ITGAE: variants seen among roughly 807,000 people sequenced by gnomAD.
ITGAE encodes the protein integrin subunit alpha E.
A neutral mutation model predicts 136.5 loss-of-function variants in ITGAE; 99 were observed. The ratio of observed to expected loss-of-function variants is 0.73; its 90% confidence interval spans 0.62 to 0.86. ITGAE has a LOEUF of 0.86. Among genes scored for constraint, ITGAE ranks in the 40% least tolerant of loss-of-function variants. The pLI is 0.00. For missense variants in ITGAE, 1,447 were observed against 1,515.3 expected, an observed-to-expected ratio of 0.95 and a Z score of 0.75; for synonymous variants, 613 against 591.8, an observed-to-expected ratio of 1.04 and a Z score of -0.52.
At chr17:3,791,462 T>C (rs1300239462) in intron 1 of ITGAE, among the ~76,000 whole-genome samples, 1 of 151,984 alleles carries the variant, frequency 6.6e-6, no homozygotes, top group Non-Finnish European at 1.5e-5. Context: ...TTTGTACTTT[T>C]AGTAGAGATG....
At chr17:3,744,163 C>T (rs1046181440) in intron 18 of ITGAE, among the ~76,000 whole-genome samples, 3 of 151,548 alleles carry the variant, frequency 2.0e-5, no homozygotes, top group Non-Finnish European at 4.4e-5. Flanking sequence ...AAATATGAGC[C>T]ACCGCACCTT....
At chr17:3,789,966 AG>A (rs11314565) in intron 1 of ITGAE, among the ~76,000 whole-genome samples, 32,596 of 152,138 alleles carry the variant, frequency 0.21, 3,637 homozygotes, top group African/African-American at 0.27. Flanking sequence ...GATCATCAAC[AG>A]GTAAAGCTTC....
Position 3,799,985 on chromosome 17 carries a change from G to A in ITGAE, c.34+1126C>T, listed in dbSNP as rs952631008. On this transcript the variant is annotated intron_variant, in intron 1 of 30. Coordinates refer to ENST00000263087, the MANE Select transcript of ITGAE (RefSeq NM_002208.5). This position sits in a 1 kb window ranked among gnomAD's most constrained non-coding sequence, Gnocchi z 4.1. Reference sequence around the variant, plus strand: ...AATACAAAAATTAGCCAGGCGTGGTGGCAGGCGCCTGTAATCCCAGCTACT... The same window carrying A: ...AATACAAAAATTAGCCAGGCGTGGTAGCAGGCGCCTGTAATCCCAGCTACT... Among the ~76,000 whole-genome samples, 3 of 152,170 alleles carry A rather than the reference G, an allele frequency of 2.0e-5. No individual in the cohort carries two copies. Among genetic ancestry groups the A allele is most frequent in the Non-Finnish European group, 2.9e-5 (2 of 68,042 alleles).
At chr17:3,758,257 T>G (rs924486274) in intron 8 of ITGAE, among the ~76,000 whole-genome samples, 2 of 152,142 alleles carry the variant, frequency 1.3e-5, no homozygotes, top group African/African-American at 4.8e-5. Flanking sequence ...TTTTTCTTTC[T>G]TTTTTAGAGA....
intron 2 of ITGAE, among the ~76,000 whole-genome samples, chr17:3,768,176 G>A (rs2052342000): frequency 6.6e-6 from 1 of 151,758 alleles, no homozygotes; most frequent in Non-Finnish European, 1.5e-5. Flanking sequence ...CTAAGTTGAA[G>A]TACAGTGGCA....
intron 20 of ITGAE, among the ~76,000 whole-genome samples, chr17:3,736,873 T>C (rs2051469621): frequency 6.6e-6 from 1 of 150,590 alleles, no homozygotes. Flanking sequence ...TTTGTTCCCA[T>C]TGTTTGGTTT....
chr17:3,729,040 TAA>T (rs368373828), intron 24 of ITGAE, among the ~76,000 whole-genome samples: 15,255 of 141,950 alleles, frequency 0.11, 880 homozygotes, highest in Middle Eastern at 0.17. Context: ...CGTCTCAGTT[TAA>T]AAAAAAAAAA....
Position 3,753,081 on chromosome 17 carries a change from AG to A in ITGAE, c.1668+208del, listed in dbSNP as rs558446967. Reference sequence around the variant, plus strand: ...ACAACCACAAAAAAAGAGATATTAGAGATATTATCATCAACGATCACCCTTG... The same window carrying A: ...ACAACCACAAAAAAAGAGATATTAGAATATTATCATCAACGATCACCCTTG... On this transcript the variant is annotated intron_variant, in intron 14 of 30. Transcript: ENST00000263087. Among the ~76,000 whole-genome samples, 527 of 152,322 alleles carry A rather than the reference AG, an allele frequency of 3.5e-3. 3 individuals carry two copies. Among genetic ancestry groups the A allele is most frequent in the Admixed American group, 3.9e-3 (60 of 15,298 alleles).
chr17:3,744,845 T>C (rs2051675096), intron 18 of ITGAE, among the ~76,000 whole-genome samples: 1 of 152,194 alleles, frequency 6.6e-6, no homozygotes, highest in Admixed American at 6.6e-5. Flanking sequence ...ACTCTCTTTG[T>C]TTAAATAAGC....
chr17:3,739,502 G>A (rs534152909), intron 20 of ITGAE, among the ~76,000 whole-genome samples: 2 of 152,268 alleles, frequency 1.3e-5, no homozygotes, highest in South Asian at 2.1e-4. Flanking sequence ...TGTGAAGAAC[G>A]CTGGGTTCTG....
At chr17:3,768,989 C>T (rs554979987) in intron 2 of ITGAE, among the ~76,000 whole-genome samples, 18 of 152,256 alleles carry the variant, frequency 1.2e-4, no homozygotes, top group Admixed American at 6.5e-4. Context: ...TCCTCTGTTC[C>T]GGCTCTGCAG....
intron 1 of ITGAE, among the ~76,000 whole-genome samples, chr17:3,796,015 A>G (rs910378491): frequency 5.5e-5 from 5 of 90,730 alleles, no homozygotes; most frequent in East Asian, 3.7e-4. Context: ...GTGTGCATCC[A>G]TGTGCGCGTG....
intron 28 of ITGAE, 63 bp downstream of exon 28, chr17:3,723,225 T>A (rs1210976824): frequency 9.0e-7 from 1 of 1,115,398 alleles, no homozygotes; most frequent in Non-Finnish European, 1.4e-6. Context: ...CTATTATCTC[T>A]TCTAGGGGCG....
chr17:3,759,515 C>T lies in ITGAE; in HGVS notation c.753G>A (p.Gln251=), dbSNP rs377059860. Residue 251 remains glutamine (Q), a synonymous_variant, in exon 8 of 31, where the codon CAG becomes CAA. Coordinates refer to ENST00000263087, the MANE Select transcript of ITGAE (RefSeq NM_002208.5). ...GGCTGTCCCGAAGGTCAAACTCAGT[C>T]TGGATCACTCCTCCATACTGCACCA... The part of the protein sequence containing the change: ...FALVQYGGVI[Q]TEFDLRDSQD... 20 of 1,614,092 alleles carry T rather than the reference C, an allele frequency of 1.2e-5. No homozygotes were observed. The highest frequency in any genetic ancestry group is 1.7e-5 in the Non-Finnish European group (20 of 1,180,046).
chr17:3,723,902 T>A, intron 26 of ITGAE, 158 bp from the exon 27 acceptor site: 1 of 1,532,868 alleles, frequency 6.5e-7, no homozygotes, highest in Non-Finnish European at 8.8e-7. Flanking sequence ...AGTCTCGCGA[T>A]GTTTGCGTTT....
chr17:3,776,362 C>T (rs2052540311), intron 2 of ITGAE, among the ~76,000 whole-genome samples: 1 of 151,530 alleles, frequency 6.6e-6, no homozygotes, highest in Non-Finnish European at 1.5e-5. Context: ...CCGGCAGAAC[C>T]TGTGCTAAGC....
chr17:3,732,343 A>G, intron 22 of ITGAE, 25 bp downstream of exon 22: 4 of 1,549,082 alleles, frequency 2.6e-6, no homozygotes, highest in Non-Finnish European at 3.6e-6. Flanking sequence ...TGGTGAGAAG[A>G]GCGAATCAGT....
intron 1 of ITGAE, among the ~76,000 whole-genome samples, chr17:3,782,209 A>C (rs886264948): frequency 2.1e-5 from 3 of 140,618 alleles, no homozygotes; most frequent in African/African-American, 7.9e-5. Flanking sequence ...TGGGAGGCAC[A>C]GGTTGCGGTG....
intron 1 of ITGAE, among the ~76,000 whole-genome samples, chr17:3,792,726 G>C (rs572116532): frequency 6.6e-6 from 1 of 152,292 alleles, no homozygotes; most frequent in South Asian, 2.1e-4. Flanking sequence ...AAAATCATTT[G>C]TTGATTCAAC....
Sources: allele counts gnomAD v4.1 joint callset (sites outside exome capture counted in the v4.1 genomes callset), GRCh38; gene constraint gnomAD v4.1.1; non-coding constraint Gnocchi (gnomAD v3.1); transcripts MANE v1.5; gene names NCBI Gene and HGNC (gene_info 2026-07-23, HGNC 2026-07-21).